Variants in MYO5B observed in about 807,000 individuals in gnomAD.
MYO5B encodes the protein unconventional myosin-Vb.
A neutral mutation model predicts 229.3 loss-of-function variants in MYO5B; 143 were observed. That is an observed-to-expected ratio of 0.62 (90% CI 0.54 to 0.72). MYO5B has a LOEUF of 0.72. Among genes scored for constraint, MYO5B ranks in the 30% least tolerant of loss-of-function variants. The pLI is 0.00. For synonymous variants in MYO5B, 918 were observed against 885.2 expected, an observed-to-expected ratio of 1.04 and a Z score of -0.66; for missense variants, 2,321 against 2,331.0, an observed-to-expected ratio of 1.00 and a Z score of 0.09.
intron 1 of MYO5B, among the ~76,000 whole-genome samples, chr18:50,100,681 CATCTCCCCTCTCTTT>C (rs2031637526): frequency 1.3e-5 from 2 of 152,226 alleles, no homozygotes; most frequent in Non-Finnish European, 1.5e-5. Context: ...ACTATGCATG[CATCTCCCCTCTCTTT>C]TCCAGGTCTA....
intron 30 of MYO5B, among the ~76,000 whole-genome samples, chr18:49,854,092 A>G (rs1244780348): frequency 6.6e-6 from 1 of 152,264 alleles, no homozygotes; most frequent in Non-Finnish European, 1.5e-5. Context: ...TATTATTCAC[A>G]TATTTTCCCT....
intron 2 of MYO5B, among the ~76,000 whole-genome samples, chr18:50,052,458 A>T (rs997739518): frequency 1.3e-4 from 19 of 149,946 alleles, no homozygotes; most frequent in Non-Finnish European, 1.5e-4. Flanking sequence ...CACAAGGACA[A>T]AAAACCAAAC....
chr18:49,936,575 G>A (rs993425102), intron 15 of MYO5B, among the ~76,000 whole-genome samples: 1 of 152,032 alleles, frequency 6.6e-6, no homozygotes, highest in Non-Finnish European at 1.5e-5. Flanking sequence ...AATTACATGG[G>A]GGACAGACTA....
chr18:49,963,610 T>TA (rs2025588456), intron 10 of MYO5B, among the ~76,000 whole-genome samples: 1 of 152,102 alleles, frequency 6.6e-6, no homozygotes, highest in Non-Finnish European at 1.5e-5. Flanking sequence ...TACTTTTTTG[T>TA]AGAGACAAGG....
chr18:49,962,879 G>A, intron 11 of MYO5B, 70 bp downstream of exon 11: 3 of 1,301,266 alleles, frequency 2.3e-6, no homozygotes, highest in Non-Finnish European at 3.4e-6. Flanking sequence ...AGGAAGAGAA[G>A]TGGCCTGTCT....
intron 9 of MYO5B, among the ~76,000 whole-genome samples, chr18:49,979,121 T>C (rs1361252203): frequency 6.6e-6 from 1 of 152,172 alleles, no homozygotes; most frequent in Non-Finnish European, 1.5e-5. Context: ...CACCACCCCC[T>C]GGGCCACAGG....
At chr18:50,034,479 C>T (rs1367898858) in intron 4 of MYO5B, among the ~76,000 whole-genome samples, 1 of 152,210 alleles carries the variant, frequency 6.6e-6, no homozygotes, top group Non-Finnish European at 1.5e-5. Flanking sequence ...CGTGGTGGCT[C>T]ACGCCTGTAA....
In MYO5B at chr18:50,183,542, G is replaced by T. The variant is rs79408685; in HGVS notation, c.27+11225C>A. Among the ~76,000 whole-genome samples, 414 of 151,996 alleles carry T rather than the reference G, an allele frequency of 2.7e-3. 1 individual carries two copies. The highest frequency in any genetic ancestry group is 9.6e-3 in the African/African-American group (396 of 41,388). On this transcript the variant is annotated intron_variant, in intron 1 of 39. Coordinates refer to ENST00000285039, the MANE Select transcript of MYO5B (RefSeq NM_001080467.3). The stretch of plus-strand genomic sequence containing the variant: ...TTAAAGTGTCAAGCATGGTAGGAAG[G>T]AGGCAGCTTTTCACTGGAGGATGTT...
chr18:50,040,269 A>T lies in MYO5B; in HGVS notation c.184T>A (p.Leu62Ile). ...IDVQRNQLPF[L>I]RNPDILVGEN... Reference sequence around the variant, plus strand: ...CCCACCAAGATATCTGGATTCCGTAAGAAGGGCAGCTGGTTGCGTTGTACA... The same window carrying T: ...CCCACCAAGATATCTGGATTCCGTATGAAGGGCAGCTGGTTGCGTTGTACA... The change falls in exon 3 of 40, where the codon TTA becomes ATA. Residue 62 changes from leucine to isoleucine, a missense_variant. By Grantham distance (5) the Leu-to-Ile change is conservative. Transcript: ENST00000285039. The T allele has an allele frequency of 6.2e-7, 1 of 1,614,150 alleles. No homozygotes were observed. The highest frequency in any genetic ancestry group is 1.1e-5 in the South Asian group (1 of 91,074).
intron 1 of MYO5B, among the ~76,000 whole-genome samples, chr18:50,081,822 T>C (rs1373582232): frequency 1.3e-5 from 2 of 152,134 alleles, no homozygotes; most frequent in African/African-American, 4.8e-5. Context: ...GAATTCACAA[T>C]TGTATACAAA....
chr18:49,912,109 T>G lies in MYO5B; in HGVS notation c.2155A>C (p.Thr719Pro). 1 of 1,614,110 alleles carries G rather than the reference T, an allele frequency of 6.2e-7. No homozygotes were observed. The highest frequency in any genetic ancestry group is 1.7e-4 in the Middle Eastern group (1 of 6,048). The change falls in exon 18 of 40, where the codon ACA becomes CCA. Residue 719 changes from threonine (T) to proline (P), a missense_variant. This residue lies in a region of MYO5B where 2,113 missense variants were observed against 2,044.7 expected (regional missense o/e 1.03). Coordinates refer to ENST00000285039, the MANE Select transcript of MYO5B (RefSeq NM_001080467.3). Reference sequence around the variant, plus strand: ...GACCTGCAGATGGCCTTTTTGTCTGTGTTGGCGAGCTCTCTCTTCTTGACC... The same window carrying G: ...GACCTGCAGATGGCCTTTTTGTCTGGGTTGGCGAGCTCTCTCTTCTTGACC... ...VLVKKRELAN[T>P]DKKAICRSVL...
At position 49,962,913 on chromosome 18, in the gene MYO5B, A is replaced by C. The variant is rs376928802; in HGVS notation, c.1404+36T>G. The C allele has an allele frequency of 3.6e-4, 575 of 1,577,930 alleles. 5 individuals carry two copies. In the South Asian group the frequency reaches 3.8e-3, roughly 11 times the overall value. The stretch of plus-strand genomic sequence containing the variant: ...CTGTCCCTCCCAGAGGAGTCCCCCC[A>C]ATCCTGGTACCCCCAGGTCTAGAAA... On this transcript the variant is annotated intron_variant, in intron 11 of 39. Transcript: ENST00000285039.
chr18:49,831,071 T>TGCTG (rs1358793477), intron 39 of MYO5B, among the ~76,000 whole-genome samples: 1 of 151,972 alleles, frequency 6.6e-6, no homozygotes, highest in African/African-American at 2.4e-5. Context: ...TGACAAATGG[T>TGCTG]GCTGAGACAA....
At chr18:49,970,701 GCGGGCCAGGAATGCC>G (rs2025681898) in intron 10 of MYO5B, 1 of 152,162 alleles carries the variant, frequency 6.6e-6, no homozygotes, top group South Asian at 2.1e-4. Flanking sequence ...AGCTTCACTG[GCGGGCCAGGAATGCC>G]CTAGATAGGC....
At chr18:49,983,152 C>T (rs1382327635) in intron 8 of MYO5B, among the ~76,000 whole-genome samples, 1 of 152,198 alleles carries the variant, frequency 6.6e-6, no homozygotes, top group Non-Finnish European at 1.5e-5. Context: ...TCCCCTTTGC[C>T]CTGCTTTATC....
At chr18:49,943,420 T>C (rs1398250605) in intron 14 of MYO5B, among the ~76,000 whole-genome samples, 1 of 152,212 alleles carries the variant, frequency 6.6e-6, no homozygotes, top group East Asian at 1.9e-4. Flanking sequence ...AATATTGTCT[T>C]TTTAGATGGC....
At chr18:49,834,069 CT>C (rs200134496) in intron 39 of MYO5B, among the ~76,000 whole-genome samples, 3 of 151,168 alleles carry the variant, frequency 2.0e-5, no homozygotes, top group Non-Finnish European at 3.0e-5. Context: ...TTCATTTAGG[CT>C]TTTTTTTTGC....
intron 8 of MYO5B, among the ~76,000 whole-genome samples, chr18:49,981,592 T>C (rs1354904085): frequency 6.6e-6 from 1 of 152,206 alleles, no homozygotes; most frequent in Non-Finnish European, 1.5e-5. Context: ...AAGTAAAGAA[T>C]AACAAAGTAA....
intron 1 of MYO5B, among the ~76,000 whole-genome samples, chr18:50,068,464 A>G (rs1049269584): frequency 6.6e-6 from 1 of 152,242 alleles, no homozygotes; most frequent in African/African-American, 2.4e-5. Flanking sequence ...CCCATAGATC[A>G]GAGTCTGGGA....
Sources: allele counts gnomAD v4.1 joint callset (sites outside exome capture counted in the v4.1 genomes callset), GRCh38; gene constraint gnomAD v4.1.1; regional missense constraint gnomAD v4.1.1; transcripts MANE v1.5; gene names NCBI Gene and HGNC (gene_info 2026-07-23, HGNC 2026-07-21).